Variants in FHAD1 observed in about 807,000 individuals in gnomAD.
FHAD1 encodes forkhead associated phosphopeptide binding domain 1, also known as forkhead-associated domain-containing protein 1.
In FHAD1, 146 loss-of-function variants were observed where a neutral mutation model predicts 191.3. The observed-to-expected ratio is 0.76, with a 90% CI of 0.67 to 0.88. FHAD1 has a LOEUF of 0.88. FHAD1 is among the 40% of genes least tolerant of loss of function. The pLI is 0.00. For missense variants in FHAD1, 1,635 were observed against 1,785.8 expected (o/e 0.92, Z 1.52); for synonymous variants, 616 against 672.3 (o/e 0.92, Z 1.29).
At chr1:15,308,185 C>T (rs901913110) in intron 6 of FHAD1, among the ~76,000 whole-genome samples, 7 of 152,152 alleles carry the variant, frequency 4.6e-5, no homozygotes, top group African/African-American at 1.7e-4. Flanking sequence ...CTAGAGTGTT[C>T]TGTGAGATAT....
chr1:15,304,805 G>A (rs541452801), intron 6 of FHAD1, among the ~76,000 whole-genome samples: 1 of 152,230 alleles, frequency 6.6e-6, no homozygotes, highest in South Asian at 2.1e-4. Flanking sequence ...ACTGGTGCAC[G>A]AAATGGGCCG....
chr1:15,321,265 C>T (rs145070941), intron 10 of FHAD1, among the ~76,000 whole-genome samples: 62 of 152,272 alleles, frequency 4.1e-4, no homozygotes, highest in African/African-American at 1.5e-3. Context: ...CCTTTGCCCC[C>T]GTACTAGCTT....
In FHAD1 at chr1:15,374,577, G is replaced by A. The variant is rs1377688609; in HGVS notation, c.3523G>A (p.Ala1175Thr). ...GGAGGTCATTCAGCGTCAGAAAAAG[G>A]CCTTATCTGAACTTCGAGCGCGAAT... ...HEEVIQRQKK[A>T]LSELRARIKE... The change falls in exon 27 of 34, where the codon GCC becomes ACC. Residue 1175 changes from alanine (A) to threonine (T), a missense_variant. By Grantham distance (58) the Ala-to-Thr change is moderately conservative (BLOSUM62 0). Coordinates refer to ENST00000688493, the MANE Select transcript of FHAD1 (RefSeq NM_001391957.1). 6.4e-7 allele frequency: 1 copy of A among 1,551,666 alleles called. No homozygotes were observed. Among genetic ancestry groups the A allele is most frequent in the Non-Finnish European group, 8.7e-7 (1 of 1,146,996 alleles).
chr1:15,388,959 T>A (rs1703073926), intron 32 of FHAD1, among the ~76,000 whole-genome samples: 1 of 152,106 alleles, frequency 6.6e-6, no homozygotes, highest in African/African-American at 2.4e-5. Flanking sequence ...GTAAAGCAGA[T>A]CTGTACGGGG....
intron 2 of FHAD1, among the ~76,000 whole-genome samples, chr1:15,254,553 A>C (rs1181985088): frequency 6.6e-6 from 1 of 152,228 alleles, no homozygotes; most frequent in Non-Finnish European, 1.5e-5. Context: ...TGGAAACAGG[A>C]ACTAATGAGG....
At chr1:15,346,796 C>T (rs1689074950) in intron 18 of FHAD1, among the ~76,000 whole-genome samples, 3 of 152,208 alleles carry the variant, frequency 2.0e-5, no homozygotes, top group African/African-American at 7.2e-5. Flanking sequence ...CAAATCCGAG[C>T]TGGGCTACTT....
In FHAD1 at chr1:15,293,574, T is replaced by C. The variant is rs186039514; in HGVS notation, c.569-3110T>C. Among the ~76,000 whole-genome samples, 796 of 152,110 alleles carry C rather than the reference T, an allele frequency of 5.2e-3. 34 individuals are homozygous for C. The East Asian group carries it at 0.099, about 19-fold the overall frequency. ...CTCTACTAAAAATACAAAAATTAGC[T>C]GGGTGTGGTGGCACGCACCTGTAAT... On this transcript the variant is annotated intron_variant, in intron 4 of 33. Coordinates refer to ENST00000688493, the MANE Select transcript of FHAD1 (RefSeq NM_001391957.1).
chr1:15,341,429 T>A (rs990747913), intron 15 of FHAD1, among the ~76,000 whole-genome samples: 2 of 152,228 alleles, frequency 1.3e-5, no homozygotes, highest in African/African-American at 4.8e-5. Flanking sequence ...ACCTACTATG[T>A]GCTCAGCACT....
In FHAD1 at chr1:15,289,358, A is replaced by G; in HGVS notation, c.301-41A>G. ...GGGACAAAGAAATGGAGACCATCCC[A>G]GCCGGTCATAACCTCCCCTGACCCT... On this transcript the variant is annotated intron_variant, in intron 3 of 33. Transcript: ENST00000688493. The surrounding 1 kb of genome is among the most constrained non-coding windows in gnomAD (Gnocchi z 4.2). 6.5e-7 allele frequency: 1 copy of G among 1,535,352 alleles called. No individual in the cohort carries two copies.
chr1:15,395,843 G>A (rs554844210), intron 33 of FHAD1, among the ~76,000 whole-genome samples: 3 of 151,974 alleles, frequency 2.0e-5, no homozygotes, highest in African/African-American at 4.8e-5. Context: ...TGTATTTTAC[G>A]TGTGGCCCAA....
Position 15,296,715 on chromosome 1 carries a change from A to T in FHAD1, c.600A>T (p.Lys200Asn). The T allele has an allele frequency of 6.4e-7, 1 of 1,552,122 alleles. No individual in the cohort carries two copies. ...VWTNAMKLSE[K>N]SVAEGIPGAV... ...CCAATGCCATGAAACTGTCAGAAAA[A>T]TCAGTGGCCGAGGGGATTCCTGGGG... The change falls in exon 5 of 34, where the codon AAA (lysine) becomes AAT (asparagine). Residue 200 changes from lysine to asparagine, a missense_variant. By Grantham distance (94) the Lys-to-Asn change is moderately conservative. Coordinates refer to ENST00000688493, the MANE Select transcript of FHAD1 (RefSeq NM_001391957.1).
At chr1:15,328,601 A>G in intron 13 of FHAD1, 172 bp downstream of exon 13, 1 of 520,732 alleles carries the variant, frequency 1.9e-6, no homozygotes, top group East Asian at 3.5e-5. Context: ...CAAAGGGCCT[A>G]AAAAAATGCC....
intron 1 of FHAD1, among the ~76,000 whole-genome samples, chr1:15,251,478 T>C (rs571351165): frequency 1.3e-5 from 2 of 152,250 alleles, no homozygotes; most frequent in East Asian, 3.9e-4. Context: ...CTCAGATTTG[T>C]TGTCAGGTTG....
intron 11 of FHAD1, chr1:15,326,169 C>G (rs1678506141): frequency 6.6e-6 from 1 of 152,308 alleles, no homozygotes; most frequent in South Asian, 2.1e-4. Flanking sequence ...ATACCTGTGT[C>G]TTGGGCCCCA....
chr1:15,373,794 C>T (rs369910787), intron 26 of FHAD1, among the ~76,000 whole-genome samples: 4 of 152,270 alleles, frequency 2.6e-5, no homozygotes, highest in South Asian at 4.1e-4. Context: ...TACAGTGAGC[C>T]GTGATCATGC....
At chr1:15,279,371 G>A (rs565430741) in intron 3 of FHAD1, among the ~76,000 whole-genome samples, 1 of 152,132 alleles carries the variant, frequency 6.6e-6, no homozygotes, top group African/African-American at 2.4e-5. Flanking sequence ...AACTGAAAAG[G>A]CCAGAAGCAT....
intron 31 of FHAD1, among the ~76,000 whole-genome samples, chr1:15,384,913 A>C (rs1361796219): frequency 6.6e-6 from 1 of 152,108 alleles, no homozygotes; most frequent in Non-Finnish European, 1.5e-5. Flanking sequence ...GGGCAGTGTC[A>C]CCGGGCTACT....
At chr1:15,384,422 T>G (rs1701621004) in intron 31 of FHAD1, 1 of 152,342 alleles carries the variant, frequency 6.6e-6, no homozygotes, top group Admixed American at 6.5e-5. Flanking sequence ...AGTTCGCTCC[T>G]TCCCGAGGCA....
At position 15,312,996 on chromosome 1, in the gene FHAD1, C is replaced by A; in HGVS notation, c.1040-61C>A. On this transcript the variant is annotated intron_variant, in intron 7 of 33. Coordinates refer to ENST00000688493, the MANE Select transcript of FHAD1 (RefSeq NM_001391957.1). The surrounding 1 kb of genome is among the most constrained non-coding windows in gnomAD (Gnocchi z 4.7). ...AGGCTCGTCACAAACTGGTTGACAGCGGCAGCGATGACAGTCATCCTCACT... is the reference window on the plus strand; with the variant it reads ...AGGCTCGTCACAAACTGGTTGACAGAGGCAGCGATGACAGTCATCCTCACT... 1.3e-6 allele frequency: 2 copies of A among 1,535,522 alleles called. No homozygotes were observed. Among genetic ancestry groups the A allele is most frequent in the Non-Finnish European group, 8.8e-7 (1 of 1,137,016 alleles).
Sources: gnomAD v4.1 joint callset for allele counts (sites outside exome capture counted in the v4.1 genomes callset) on GRCh38, gnomAD v4.1.1 for gene constraint, Gnocchi (gnomAD v3.1) non-coding constraint, MANE v1.5 for transcripts, NCBI Gene and HGNC (gene_info 2026-07-23, HGNC 2026-07-21) for gene names.